The following KDM4C variants were observed in gnomAD, a reference collection of about 807,000 sequenced individuals.
KDM4C encodes lysine-specific demethylase 4C.
KDM4C carries 81 observed loss-of-function variants against 129.3 expected under a neutral mutation model. That is an observed-to-expected ratio of 0.63 (90% CI 0.52 to 0.75). The LOEUF is 0.75. Among genes scored for constraint, KDM4C ranks in the 30% least tolerant of loss-of-function variants. KDM4C has a pLI of 0.00. For missense variants in KDM4C, 1,457 were observed against 1,304.0 expected (o/e 1.12, Z -1.81); for synonymous variants, 573 against 456.1 (o/e 1.26, Z -3.26).
chr9:7,060,659 T>C (rs1053780409), intron 17 of KDM4C, among the ~76,000 whole-genome samples: 6 of 151,876 alleles, frequency 4.0e-5, no homozygotes, highest in Non-Finnish European at 8.8e-5. Flanking sequence ...TTTTTGTGTT[T>C]TTAGTAGAGA....
chr9:6,732,157 G>A (rs184293403), intron 1 of KDM4C, among the ~76,000 whole-genome samples: 5 of 151,522 alleles, frequency 3.3e-5, no homozygotes, highest in African/African-American at 4.8e-5. Context: ...ACGAGGTCAG[G>A]AGATTGAGAC....
chr9:7,157,361 A>G (rs953828308), intron 19 of KDM4C, among the ~76,000 whole-genome samples: 1 of 152,118 alleles, frequency 6.6e-6, no homozygotes, highest in Non-Finnish European at 1.5e-5. Context: ...CTCTTGCCTG[A>G]TTGCCCTGGC....
chr9:7,078,892 A>G (rs1388497421), intron 17 of KDM4C, among the ~76,000 whole-genome samples: 1 of 152,196 alleles, frequency 6.6e-6, no homozygotes, highest in Non-Finnish European at 1.5e-5. Flanking sequence ...TTGTACTCAC[A>G]GCTAAGATTT....
chr9:7,063,996 T>G (rs570007900), intron 17 of KDM4C, among the ~76,000 whole-genome samples: 1 of 152,336 alleles, frequency 6.6e-6, no homozygotes, highest in East Asian at 1.9e-4. Flanking sequence ...TGCTGGCTGC[T>G]TACAGCTACC....
chr9:7,051,578 A>G (rs1830157055), intron 17 of KDM4C, among the ~76,000 whole-genome samples: 1 of 152,180 alleles, frequency 6.6e-6, no homozygotes, highest in African/African-American at 2.4e-5. Context: ...AAAGCAGAGT[A>G]GTTTTGTGTG....
At chr9:7,028,720 G>A (rs1186292667) in intron 15 of KDM4C, among the ~76,000 whole-genome samples, 3 of 152,044 alleles carry the variant, frequency 2.0e-5, no homozygotes, top group East Asian at 1.9e-4. Flanking sequence ...ACTCTAGCCC[G>A]TGGTGGCAAG....
At chr9:6,788,095 T>C (rs924965598) in intron 1 of KDM4C, among the ~76,000 whole-genome samples, 1 of 152,194 alleles carries the variant, frequency 6.6e-6, no homozygotes, top group Non-Finnish European at 1.5e-5. Flanking sequence ...TATGATTAAT[T>C]CCCTCCTTCA....
At chr9:6,911,104 T>C (rs1819216330) in intron 8 of KDM4C, among the ~76,000 whole-genome samples, 1 of 152,164 alleles carries the variant, frequency 6.6e-6, no homozygotes, top group Non-Finnish European at 1.5e-5. Flanking sequence ...AGTTATCACA[T>C]GTGCAGTGAA....
Position 7,128,193 on chromosome 9 carries a change from A to G in KDM4C, c.2738A>G (p.Asp913Gly), listed in dbSNP as rs760389785. ...TSQTFYEVMF[D>G]DGSFSRDTFP... ...CAGACCTTCTATGAGGTCATGTTTG[A>G]TGATGGCTCCTTTAGCAGAGACACA... The change falls in exon 19 of 22, where the codon GAT (aspartate) becomes GGT (glycine). Residue 913 changes from aspartate (D) to glycine (G), a missense_variant. Coordinates refer to ENST00000381309, the MANE Select transcript of KDM4C (RefSeq NM_015061.6). 1 of 1,609,508 alleles carries G rather than the reference A, an allele frequency of 6.2e-7. No individual in the cohort carries two copies. The highest frequency in any genetic ancestry group is 8.5e-7 in the Non-Finnish European group (1 of 1,178,046).
intron 2 of KDM4C, among the ~76,000 whole-genome samples, chr9:6,801,189 A>G (rs957899398): frequency 1.3e-5 from 2 of 150,980 alleles, no homozygotes; most frequent in African/African-American, 4.9e-5. Flanking sequence ...ACAAGACTTT[A>G]ACACTCTTAG....
chr9:6,897,355 C>T (rs917939343), intron 8 of KDM4C, among the ~76,000 whole-genome samples: 23 of 152,182 alleles, frequency 1.5e-4, no homozygotes, highest in African/African-American at 5.1e-4. Context: ...CCTTACCATT[C>T]TCCTCTCATT....
intron 2 of KDM4C, among the ~76,000 whole-genome samples, 190 bp from the exon 3 acceptor site, chr9:6,805,409 A>G (rs566504278): frequency 6.6e-6 from 1 of 152,086 alleles, no homozygotes; most frequent in South Asian, 2.1e-4. Context: ...GATAGTGAGT[A>G]CTCAATAAAT....
chr9:6,829,621 A>AC (rs958047476), intron 4 of KDM4C, among the ~76,000 whole-genome samples: 8 of 151,736 alleles, frequency 5.3e-5, no homozygotes, highest in African/African-American at 1.5e-4. Flanking sequence ...GAGCTGGGAG[A>AC]CCCCCCTTTC....
intron 17 of KDM4C, among the ~76,000 whole-genome samples, chr9:7,096,593 T>C (rs1779493724): frequency 6.6e-6 from 1 of 152,222 alleles, no homozygotes; most frequent in African/African-American, 2.4e-5. Context: ...ATTCCCTACC[T>C]GGGAGACTAG....
At chr9:7,166,994 A>T (rs1464303769) in intron 20 of KDM4C, among the ~76,000 whole-genome samples, 1 of 152,246 alleles carries the variant, frequency 6.6e-6, no homozygotes, top group East Asian at 1.9e-4. Context: ...AAACAAAGAC[A>T]GTTTTAAAAA....
At chr9:6,855,314 C>T (rs1839603566) in intron 5 of KDM4C, among the ~76,000 whole-genome samples, 1 of 151,874 alleles carries the variant, frequency 6.6e-6, no homozygotes, top group South Asian at 2.1e-4. Context: ...CAAAAATTAG[C>T]TGGGCATGGT....
chr9:7,054,463 T>G (rs759059912), intron 17 of KDM4C, among the ~76,000 whole-genome samples: 26 of 152,172 alleles, frequency 1.7e-4, no homozygotes, highest in African/African-American at 4.8e-5. Context: ...GAATGGCCTA[T>G]TTTGTTTTTA....
intron 19 of KDM4C, among the ~76,000 whole-genome samples, chr9:7,131,444 A>G (rs539891483): frequency 6.6e-6 from 1 of 152,200 alleles, no homozygotes; most frequent in East Asian, 1.9e-4. Context: ...GTAGAAAGAG[A>G]TGATAAGGAA....
chr9:6,958,578 CTCTG>C (rs1829490586), intron 8 of KDM4C, among the ~76,000 whole-genome samples: 1 of 150,638 alleles, frequency 6.6e-6, no homozygotes. Context: ...CAGAGCAAGA[CTCTG>C]TCTGAAAAAA....
Sources: gnomAD v4.1 joint callset for allele counts (sites outside exome capture counted in the v4.1 genomes callset) on GRCh38, gnomAD v4.1.1 for gene constraint, MANE v1.5 for transcripts, NCBI Gene and HGNC (gene_info 2026-07-23, HGNC 2026-07-21) for gene names.